The following GALNT10 variants were observed in gnomAD, a reference collection of about 807,000 sequenced individuals.
The protein encoded by GALNT10 is polypeptide N-acetylgalactosaminyltransferase 10.
In GALNT10, 41 loss-of-function variants were observed where a neutral mutation model predicts 75.0. That is an observed-to-expected ratio of 0.55 (90% confidence interval 0.43 to 0.71). GALNT10 has a LOEUF of 0.71. Ranked by LOEUF, GALNT10 falls within the 30% of genes least tolerant of loss-of-function variation. GALNT10 has a pLI of 0.00. For synonymous variants in GALNT10, 302 were observed against 313.0 expected, an observed-to-expected ratio of 0.96 and a Z score of 0.37; for missense variants, 727 against 818.5, an observed-to-expected ratio of 0.89 and a Z score of 1.36.
intron 1 of GALNT10, among the ~76,000 whole-genome samples, chr5:154,281,878 G>A (rs1337542363): frequency 6.6e-6 from 1 of 152,144 alleles, no homozygotes; most frequent in Non-Finnish European, 1.5e-5. Flanking sequence ...GTCCATCATG[G>A]TGGCCTTTGC....
chr5:154,191,070 A>G, intron 1 of GALNT10, 45 bp downstream of exon 1: 1 of 1,295,968 alleles, frequency 7.7e-7, no homozygotes, highest in Non-Finnish European at 1.0e-6. Flanking sequence ...CCCTTCCCGA[A>G]TTCACTTTTA....
intron 3 of GALNT10, among the ~76,000 whole-genome samples, chr5:154,325,959 A>C (rs1395191506): frequency 6.6e-6 from 1 of 152,220 alleles, no homozygotes; most frequent in Non-Finnish European, 1.5e-5. Flanking sequence ...ATTATCTTGT[A>C]CCTAAGAAAT....
chr5:154,413,012 GC>G lies in GALNT10; in HGVS notation c.1503+9del. 6.4e-7 allele frequency: 1 copy of G among 1,573,408 alleles called. No individual in the cohort carries two copies. The highest frequency in any genetic ancestry group is 8.7e-7 in the Non-Finnish European group (1 of 1,145,034). ...TGCCTGGAACAACATGCAGGTAAGGGCCGCCCCTCAGGGACTGGCAGCCAGG... is the reference window on the plus strand; with the variant it reads ...TGCCTGGAACAACATGCAGGTAAGGGCGCCCCTCAGGGACTGGCAGCCAGG... On this transcript the variant is annotated splice_region_variant and intron_variant, in intron 10 of 11. Coordinates refer to ENST00000297107, the MANE Select transcript of GALNT10 (RefSeq NM_198321.4).
chr5:154,409,772 G>A lies in GALNT10; in HGVS notation c.1386+10G>A. On this transcript the variant is annotated intron_variant, in intron 9 of 11. Transcript: ENST00000297107. This position sits in a 1 kb window ranked among gnomAD's most constrained non-coding sequence, Gnocchi z 4.5. ...TGCAGCTTGGGGGGAGGTGAGTCTG[G>A]AGGGCAGGGCTGGCTCCATAATTTA... The A allele has an allele frequency of 6.3e-7, 1 of 1,580,770 alleles. No individual in the cohort carries two copies. The highest frequency in any genetic ancestry group is 8.7e-7 in the Non-Finnish European group (1 of 1,149,754).
At chr5:154,319,176 C>T (rs1304672884) in intron 3 of GALNT10, among the ~76,000 whole-genome samples, 2 of 152,216 alleles carry the variant, frequency 1.3e-5, no homozygotes, top group African/African-American at 2.4e-5. Flanking sequence ...TGGAAGCCCA[C>T]AAAGACCTGG....
intron 4 of GALNT10, 27 bp downstream of exon 4, chr5:154,329,765 A>T (rs1284315710): frequency 1.0e-5 from 16 of 1,567,318 alleles, no homozygotes; most frequent in Non-Finnish European, 1.2e-5. Context: ...CCAGCCTCCC[A>T]CCCTCTGTGC....
At chr5:154,392,690 C>T (rs944152328) in intron 7 of GALNT10, 1 of 152,276 alleles carries the variant, frequency 6.6e-6, no homozygotes, top group Non-Finnish European at 1.5e-5. Flanking sequence ...ACAGTGTCCC[C>T]AGGAGGCCAT....
chr5:154,270,767 A>G (rs153433), intron 1 of GALNT10, among the ~76,000 whole-genome samples: 9,753 of 152,028 alleles, frequency 0.064, 861 homozygotes, highest in African/African-American at 0.2. Context: ...GGCTGAATGG[A>G]CAGATCATCT....
intron 7 of GALNT10, among the ~76,000 whole-genome samples, chr5:154,403,286 T>G (rs1022555260): frequency 6.6e-6 from 1 of 152,164 alleles, no homozygotes; most frequent in African/African-American, 2.4e-5. Context: ...AGGGTCTATG[T>G]AGGCTGGGCC....
intron 4 of GALNT10, among the ~76,000 whole-genome samples, chr5:154,346,554 C>T (rs1224034745): frequency 6.6e-6 from 1 of 152,188 alleles, no homozygotes; most frequent in Admixed American, 6.5e-5. Context: ...CTAACAAAGA[C>T]ATTTCATCTC....
rs116356051 is a variant in GALNT10 at position 154,310,044 on chromosome 5, G to A, written c.401+11965G>A. On this transcript the variant is annotated intron_variant, in intron 3 of 11. Coordinates refer to ENST00000297107, the MANE Select transcript of GALNT10 (RefSeq NM_198321.4). ...TTGTGGTCAGCGTTCAGGTTATGGC[G>A]AGAGCGGTACCCATAACCTTCCACC... Among the ~76,000 whole-genome samples, 891 of 152,314 alleles carry A rather than the reference G, an allele frequency of 5.8e-3. 10 individuals are homozygous for A. Among genetic ancestry groups the A allele is most frequent in the African/African-American group, 0.02 (850 of 41,554 alleles).
At chr5:154,308,952 T>C (rs529440643) in intron 3 of GALNT10, among the ~76,000 whole-genome samples, 2 of 152,272 alleles carry the variant, frequency 1.3e-5, no homozygotes, top group African/African-American at 4.8e-5. Context: ...CTCCTAGAGC[T>C]TACATTCCAC....
intron 1 of GALNT10, among the ~76,000 whole-genome samples, chr5:154,245,992 T>C (rs1237253378): frequency 2.7e-5 from 4 of 150,244 alleles, no homozygotes; most frequent in Non-Finnish European, 5.9e-5. Context: ...CAGAGTGTGA[T>C]GTTCCCCTTC....
At chr5:154,382,548 G>C (rs897501219) in intron 6 of GALNT10, among the ~76,000 whole-genome samples, 1 of 152,148 alleles carries the variant, frequency 6.6e-6, no homozygotes, top group Non-Finnish European at 1.5e-5. Context: ...CCATTATTGT[G>C]CATGATCCTT....
At chr5:154,393,381 C>T (rs1488197087) in intron 7 of GALNT10, among the ~76,000 whole-genome samples, 1 of 152,178 alleles carries the variant, frequency 6.6e-6, no homozygotes, top group African/African-American at 2.4e-5. Flanking sequence ...GCCCATCTCA[C>T]TTCTGAAAAT....
In GALNT10 at chr5:154,258,666, T is replaced by G. The variant is rs548567891; in HGVS notation, c.160-36150T>G. Reference sequence around the variant, plus strand: ...TGACACTAGTGCAGAATGATCAGCCTGTTCATCACTGTAAATGATTCTTAT... The same window carrying G: ...TGACACTAGTGCAGAATGATCAGCCGGTTCATCACTGTAAATGATTCTTAT... On this transcript the variant is annotated intron_variant, in intron 1 of 11. Coordinates refer to ENST00000297107, the MANE Select transcript of GALNT10 (RefSeq NM_198321.4). 1.8e-4 allele frequency among the ~76,000 whole-genome samples: 27 copies of G among 152,320 alleles called. No individual in the cohort carries two copies. The South Asian group carries it at 4.6e-3, about 26-fold the overall frequency.
chr5:154,291,127 A>C (rs917536810), intron 1 of GALNT10, among the ~76,000 whole-genome samples: 1 of 152,184 alleles, frequency 6.6e-6, no homozygotes, highest in South Asian at 2.1e-4. Flanking sequence ...TGGAGCCTTA[A>C]TTCTCAATGC....
chr5:154,407,068 A>G (rs1016892248), intron 8 of GALNT10, among the ~76,000 whole-genome samples: 5 of 152,226 alleles, frequency 3.3e-5, no homozygotes, highest in Non-Finnish European at 7.3e-5. Flanking sequence ...AACTTGCTGA[A>G]ATCTTTCTTA....
At chr5:154,366,174 G>C (rs543159698) in intron 4 of GALNT10, among the ~76,000 whole-genome samples, 1 of 152,240 alleles carries the variant, frequency 6.6e-6, no homozygotes, top group South Asian at 2.1e-4. Flanking sequence ...ACAAGTGTGA[G>C]CATTTGGCTT....
Sources: gnomAD v4.1 joint callset for allele counts (sites outside exome capture counted in the v4.1 genomes callset) on GRCh38, gnomAD v4.1.1 for gene constraint, Gnocchi (gnomAD v3.1) non-coding constraint, MANE v1.5 for transcripts, NCBI Gene and HGNC (gene_info 2026-07-23, HGNC 2026-07-21) for gene names.